Variants in RMND5A observed in about 807,000 individuals in gnomAD.
The protein encoded by RMND5A is required for meiotic nuclear division 5 homolog A.
Under a neutral mutation model 49.7 loss-of-function variants are expected in RMND5A, and 17 were observed. The observed-to-expected ratio is 0.34, with a 90% CI of 0.23 to 0.51. RMND5A has a LOEUF of 0.51. Among genes scored for constraint, RMND5A ranks in the 20% least tolerant of loss-of-function variants. RMND5A has a pLI of 0.96. For synonymous variants in RMND5A, 156 were observed against 167.7 expected (o/e 0.93, Z 0.54); for missense variants, 255 against 471.3 (o/e 0.54, Z 4.25).
intron 2 of RMND5A, among the ~76,000 whole-genome samples, chr2:86,746,049 A>AAT (rs1176254362): frequency 6.6e-6 from 1 of 152,206 alleles, no homozygotes; most frequent in East Asian, 1.9e-4. Flanking sequence ...TGCTGACTGT[A>AAT]TTAAGGAGTG....
At chr2:86,760,765 A>G (rs1039806946) in intron 4 of RMND5A, among the ~76,000 whole-genome samples, 138 of 152,354 alleles carry the variant, frequency 9.1e-4, no homozygotes, top group Non-Finnish European at 6.5e-4. Context: ...AAGATTTGAA[A>G]AAGGACAACA....
chr2:86,755,528 G>A (rs35594332), intron 4 of RMND5A, among the ~76,000 whole-genome samples: 17,161 of 152,168 alleles, frequency 0.11, 1,061 homozygotes, highest in Non-Finnish European at 0.15. Flanking sequence ...TTATCTATGC[G>A]TTTCTTAGGT....
intron 4 of RMND5A, among the ~76,000 whole-genome samples, chr2:86,760,170 G>C (rs1000689517): frequency 2.0e-5 from 3 of 151,984 alleles, no homozygotes; most frequent in African/African-American, 7.2e-5. Context: ...TCAGCCTCCT[G>C]AGTAGCTGGG....
chr2:86,729,308 G>A (rs1174184085), intron 1 of RMND5A, among the ~76,000 whole-genome samples: 1 of 151,952 alleles, frequency 6.6e-6, no homozygotes, highest in Non-Finnish European at 1.5e-5. Context: ...TGAAGAGAGA[G>A]AGCCCTTAGA....
chr2:86,756,014 G>A (rs1214811658), intron 4 of RMND5A, among the ~76,000 whole-genome samples: 2 of 151,994 alleles, frequency 1.3e-5, no homozygotes, highest in East Asian at 1.9e-4. Context: ...GATCCTCTGT[G>A]AAAAAAAGTC....
At chr2:86,768,732 G>A (rs1444216472) in intron 6 of RMND5A, among the ~76,000 whole-genome samples, 2 of 152,110 alleles carry the variant, frequency 1.3e-5, no homozygotes, top group East Asian at 1.9e-4. Flanking sequence ...CTGAAGAGAC[G>A]GACACAGCTG....
chr2:86,720,838 C>T (rs772769216), intron 1 of RMND5A, 29 bp downstream of exon 1: 13 of 1,553,480 alleles, frequency 8.4e-6, no homozygotes, highest in South Asian at 1.2e-5. Flanking sequence ...GCGCGCGGGG[C>T]ATGGCCCACT....
intron 4 of RMND5A, among the ~76,000 whole-genome samples, chr2:86,760,981 T>TGC (rs747069738): frequency 1.3e-5 from 2 of 151,714 alleles, no homozygotes; most frequent in African/African-American, 2.4e-5. Flanking sequence ...TGTGTGTGTG[T>TGC]GTGTGTGTGT....
intron 4 of RMND5A, among the ~76,000 whole-genome samples, chr2:86,763,697 G>A (rs1672543937): frequency 6.6e-6 from 1 of 151,988 alleles, no homozygotes; most frequent in African/African-American, 2.4e-5. Flanking sequence ...GATCACTTGA[G>A]CCCGAGAGGC....
At chr2:86,765,723 A>G in intron 5 of RMND5A, 136 bp from the exon 6 acceptor site, 1 of 685,926 alleles carries the variant, frequency 1.5e-6, no homozygotes, top group Non-Finnish European at 2.4e-6. Flanking sequence ...GGAAGAAACC[A>G]AGCTTAAGGA....
At chr2:86,740,747 A>G (rs1457429588) in intron 1 of RMND5A, among the ~76,000 whole-genome samples, 180 bp from the exon 2 acceptor site, 1 of 151,412 alleles carries the variant, frequency 6.6e-6, no homozygotes, top group African/African-American at 2.4e-5. Context: ...TAAAAAAATT[A>G]TATCTTTCTG....
intron 5 of RMND5A, 41 bp downstream of exon 5, chr2:86,765,234 C>A: frequency 6.6e-7 from 1 of 1,518,622 alleles, no homozygotes; most frequent in Non-Finnish European, 9.0e-7. Context: ...TGAAACAGGG[C>A]TATAGCCACC....
At chr2:86,762,716 A>ATATCATATATATC (rs1357119563) in intron 4 of RMND5A, among the ~76,000 whole-genome samples, 1 of 133,694 alleles carries the variant, frequency 7.5e-6, no homozygotes, top group African/African-American at 3.0e-5. Flanking sequence ...TATCATATAT[A>ATATCATATATATC]TCATATATAT....
chr2:86,773,417 T>C lies in RMND5A; in HGVS notation c.*6T>C, dbSNP rs776563939. 1.9e-6 allele frequency: 3 copies of C among 1,587,326 alleles called. No homozygotes were observed. The South Asian group carries it at 3.3e-5, about 18-fold the overall frequency. ...CCAAACAGATATTTTTCTGAAGAGA[T>C]AACTTTAGTTTGCAATTTGTAAGTG... On this transcript the variant is annotated 3_prime_UTR_variant, in exon 9 of 9. Transcript: ENST00000283632.
intron 2 of RMND5A, among the ~76,000 whole-genome samples, chr2:86,742,454 C>T (rs1374333340): frequency 1.4e-5 from 2 of 146,464 alleles, no homozygotes; most frequent in Non-Finnish European, 3.0e-5. Context: ...TCAACCCTCT[C>T]TGGTACTATG....
chr2:86,773,962 C>T lies in RMND5A; in HGVS notation c.*551C>T, dbSNP rs1672725073. On this transcript the variant is annotated 3_prime_UTR_variant, in exon 9 of 9. Coordinates refer to ENST00000283632, the MANE Select transcript of RMND5A (RefSeq NM_022780.4). ...TCCAGATATGCTTTTTGATGTTTTC[C>T]TCTGCTCCAGCTCCAAGAAGTCAGC... is the stretch of plus-strand genomic sequence containing the variant. The T allele has an allele frequency of 6.6e-6, 1 of 152,572 alleles. No individual in the cohort carries two copies. Among genetic ancestry groups the T allele is most frequent in the African/African-American group, 2.4e-5 (1 of 41,406 alleles). 9.5% of individuals were successfully genotyped at this position (152,572 alleles called of 1,614,324 possible).
At chr2:86,755,406 G>A (rs1681716277) in intron 4 of RMND5A, among the ~76,000 whole-genome samples, 1 of 152,242 alleles carries the variant, frequency 6.6e-6, no homozygotes, top group Non-Finnish European at 1.5e-5. Context: ...ATAGGCATGG[G>A]CCAATGTGCC....
Position 86,720,525 on chromosome 2 carries a change from C to T in RMND5A, c.-143C>T, listed in dbSNP as rs940335979. 3.7e-5 allele frequency: 17 copies of T among 456,354 alleles called. 1 individual carries two copies. The highest frequency in any genetic ancestry group is 3.2e-4 in the African/African-American group (15 of 46,780). 28.3% of individuals were successfully genotyped at this position (456,354 alleles called of 1,614,324 possible). On this transcript the variant is annotated 5_prime_UTR_variant, in exon 1 of 9. Coordinates refer to ENST00000283632, the MANE Select transcript of RMND5A (RefSeq NM_022780.4). ...GCGCGGGGCTCCCCCGGCGCCGCGG[C>T]TAGTGCGCCCGCCGCCTCGGCCGCC...
chr2:86,765,608 G>T (rs1672576962), intron 5 of RMND5A: 1 of 413,808 alleles, frequency 2.4e-6, no homozygotes, highest in African/African-American at 2.0e-5. Context: ...TCTAGGTAAT[G>T]GTAATTATAC....
Sources: allele counts gnomAD v4.1 joint callset (sites outside exome capture counted in the v4.1 genomes callset), GRCh38; gene constraint gnomAD v4.1.1; transcripts MANE v1.5; gene names NCBI Gene and HGNC (gene_info 2026-07-23, HGNC 2026-07-21).